Variants in CEBPZ observed in about 807,000 individuals in gnomAD.
CEBPZ encodes the protein CCAAT/enhancer-binding protein zeta.
CEBPZ carries 78 observed loss-of-function variants against 104.5 expected under a neutral mutation model. That is an observed-to-expected ratio of 0.75 (90% CI 0.62 to 0.90). CEBPZ has a LOEUF of 0.90. CEBPZ is among the 40% of genes least tolerant of loss of function. The pLI is 0.00. For synonymous variants in CEBPZ, 470 were observed against 427.0 expected (o/e 1.10, Z -1.24); for missense variants, 1,439 against 1,233.5 (o/e 1.17, Z -2.50).
intron 13 of CEBPZ, 42 bp downstream of exon 13, chr2:37,210,957 C>T (rs773352325): frequency 5.6e-6 from 8 of 1,425,652 alleles, no homozygotes; most frequent in Non-Finnish European, 7.8e-6. Flanking sequence ...ACACCTTTCA[C>T]ATGGACACTG....
chr2:37,201,669 G>T lies in CEBPZ; in HGVS notation c.*95C>A. ...TATTACAAATCCACTGAGAAGTCTG[G>T]AATGTATGGAATCAGAGAGCTAGAT... is the stretch of plus-strand genomic sequence containing the variant. On this transcript the variant is annotated 3_prime_UTR_variant, in exon 16 of 16. Transcript: ENST00000234170. The T allele has an allele frequency of 1.3e-6, 1 of 793,826 alleles. No homozygotes were observed. 49.2% of individuals were successfully genotyped at this position (793,826 alleles called of 1,614,324 possible). A position where few individuals can be genotyped will look rare whatever the true frequency, so the allele number is the denominator to read the frequency against.
rs1478890965 is a variant in CEBPZ, at chr2:37,212,380, T to C, written c.2558A>G (p.Asp853Gly). 1 of 1,613,432 alleles carries C rather than the reference T, an allele frequency of 6.2e-7. No homozygotes were observed. Among genetic ancestry groups the C allele is most frequent in the Non-Finnish European group, 8.5e-7 (1 of 1,179,654 alleles). The change falls in exon 11 of 16, where the codon GAT becomes GGT. Residue 853 changes from aspartate to glycine, a missense_variant. Asp to Gly is a moderately conservative substitution (Grantham distance 94). Coordinates refer to ENST00000234170, the MANE Select transcript of CEBPZ (RefSeq NM_005760.3). ...EFEELIDTFE[D>G]DNCFSSGKDD... ...CTTTCCAGAGCTGAAACAGTTATCA[T>C]CTTCAAATGTGTCTGCCAGACAATA... is the stretch of plus-strand genomic sequence containing the variant.
intron 1 of CEBPZ, 115 bp from the exon 2 acceptor site, chr2:37,229,151 A>C: frequency 1.0e-6 from 1 of 974,638 alleles, no homozygotes; most frequent in Non-Finnish European, 1.4e-6. Context: ...AAATCCTTTC[A>C]AATTTGACAT....
chr2:37,213,825 T>G (rs1232770987), intron 10 of CEBPZ, 39 bp downstream of exon 10: 1 of 1,344,268 alleles, frequency 7.4e-7, no homozygotes, highest in African/African-American at 1.5e-5. Context: ...TAACACATAG[T>G]AGTAGATTAT....
chr2:37,220,299 G>A (rs1278358758), intron 5 of CEBPZ, 86 bp downstream of exon 5: 5 of 348,006 alleles, frequency 1.4e-5, no homozygotes, highest in Non-Finnish European at 1.9e-5. Flanking sequence ...CCTGGTGACA[G>A]AGGAAGACTC....
intron 5 of CEBPZ, among the ~76,000 whole-genome samples, chr2:37,218,418 T>A (rs1054795767): frequency 2.0e-5 from 3 of 152,226 alleles, no homozygotes; most frequent in African/African-American, 4.8e-5. Context: ...GTATTCCACG[T>A]TGAAACATAC....
rs188301757 is a variant in CEBPZ at position 37,211,974 on chromosome 2, T to A, written c.2669A>T (p.Asp890Val). The change falls in exon 12 of 16, where the codon GAT becomes GTT. Residue 890 changes from aspartate to valine, a missense_variant. Asp to Val is a radical substitution (Grantham distance 152). Transcript: ENST00000234170. ...NTLDEDSEGS[D>V]DELGNLDDDE... is the part of the protein sequence containing the mutation. ...GTCATCCAGGTTACCAAGTTCATCA[T>A]CACTACCTTCTGAATCTTCATCTAA... The A allele has an allele frequency of 2.5e-6, 4 of 1,613,366 alleles. No individual in the cohort carries two copies. In the African/African-American group the frequency reaches 5.3e-5, roughly 22 times the overall value.
intron 13 of CEBPZ, among the ~76,000 whole-genome samples, chr2:37,207,215 A>T (rs370724325): frequency 5.3e-5 from 8 of 152,362 alleles, no homozygotes; most frequent in East Asian, 3.9e-4. Context: ...GGTGACTTCA[A>T]TACTCCACTG....
At position 37,205,431 on chromosome 2, in the gene CEBPZ, T is replaced by G. The variant is rs1222769630; in HGVS notation, c.2885-2423A>C. ...AAAAGCTCCCCTACTGAGCACCTTG[T>G]GACCCCCACTCCTGCCAGGCAGAGA... On this transcript the variant is annotated intron_variant, in intron 13 of 15. Coordinates refer to ENST00000234170, the MANE Select transcript of CEBPZ (RefSeq NM_005760.3). Among the ~76,000 whole-genome samples, 8 of 152,212 alleles carry G rather than the reference T, an allele frequency of 5.3e-5. No homozygotes were observed. In the East Asian group the frequency reaches 9.6e-4, roughly 18 times the overall value.
intron 1 of CEBPZ, chr2:37,231,156 T>C (rs1665077755): frequency 3.1e-6 from 2 of 655,470 alleles, no homozygotes; most frequent in Non-Finnish European, 5.7e-6. Flanking sequence ...GTGATGGTTA[T>C]ACCACGTCAA....
At chr2:37,218,248 C>T (rs1166945189) in intron 5 of CEBPZ, among the ~76,000 whole-genome samples, 3 of 149,896 alleles carry the variant, frequency 2.0e-5, no homozygotes, top group African/African-American at 4.9e-5. Context: ...GCCTGGGCGA[C>T]AGAGCAAGAC....
chr2:37,228,702 T>C lies in CEBPZ; in HGVS notation c.491A>G (p.Gln164Arg). 1 of 1,614,216 alleles carries C rather than the reference T, an allele frequency of 6.2e-7. No homozygotes were observed. ...STTPKVKKDK[Q>R]NIFEFFERQT... is the part of the protein sequence containing the mutation. ...TCTCTCAAAAAATTCAAAGATGTTC[T>C]GTTTATCTTTCTTTACTTTCGGTGT... Residue 164 changes from glutamine to arginine, a missense_variant, in exon 2 of 16, where the codon CAG becomes CGG. By Grantham distance (43) the Gln-to-Arg change is conservative (BLOSUM62 1). Coordinates refer to ENST00000234170, the MANE Select transcript of CEBPZ (RefSeq NM_005760.3).
intron 5 of CEBPZ, among the ~76,000 whole-genome samples, chr2:37,218,759 C>G (rs943823692): frequency 2.0e-5 from 3 of 152,154 alleles, no homozygotes; most frequent in Middle Eastern, 3.2e-3. Flanking sequence ...AAAAAATTAG[C>G]TGGGCATGGT....
At chr2:37,205,315 A>G (rs1003858772) in intron 13 of CEBPZ, among the ~76,000 whole-genome samples, 2 of 152,146 alleles carry the variant, frequency 1.3e-5, no homozygotes, top group African/African-American at 4.8e-5. Flanking sequence ...AACTGATGAC[A>G]TTCCACCACA....
intron 13 of CEBPZ, among the ~76,000 whole-genome samples, chr2:37,208,295 A>T (rs1677606041): frequency 6.6e-6 from 1 of 152,084 alleles, no homozygotes; most frequent in Non-Finnish European, 1.5e-5. Context: ...TAAATCATTC[A>T]ATGAAGCCAA....
intron 13 of CEBPZ, among the ~76,000 whole-genome samples, chr2:37,207,433 A>G (rs1677577154): frequency 6.6e-6 from 1 of 152,208 alleles, no homozygotes; most frequent in Non-Finnish European, 1.5e-5. Context: ...ACTTAAGAAA[A>G]CTGAAATTGT....
intron 2 of CEBPZ, among the ~76,000 whole-genome samples, chr2:37,224,339 C>T (rs952298795): frequency 2.0e-5 from 3 of 152,202 alleles, no homozygotes; most frequent in African/African-American, 7.2e-5. Context: ...TATTAGGACA[C>T]CCAGAATTAA....
chr2:37,212,250 A>G, intron 11 of CEBPZ, 85 bp downstream of exon 11: 1 of 1,233,206 alleles, frequency 8.1e-7, no homozygotes, highest in Non-Finnish European at 1.2e-6. Context: ...CCCCTTTATC[A>G]TATAGTTCTG....
Position 37,223,297 on chromosome 2 carries a change from G to A in CEBPZ, c.1754C>T (p.Ala585Val). The A allele has an allele frequency of 6.2e-7, 1 of 1,614,078 alleles. No homozygotes were observed. The highest frequency in any genetic ancestry group is 8.5e-7 in the Non-Finnish European group (1 of 1,180,000). The change falls in exon 3 of 16, where the codon GCT (alanine) becomes GTT (valine). Residue 585 changes from alanine to valine, a missense_variant. Coordinates refer to ENST00000234170, the MANE Select transcript of CEBPZ (RefSeq NM_005760.3). ...KADIVLRRVK[A>V]FVKRLLQVTC... The stretch of plus-strand genomic sequence containing the variant: ...AACTTGAAGTAACCTCTTCACAAAA[G>A]CCTTCACCCGGCGCAACACAATGTC...
Sources: gnomAD v4.1 joint callset for allele counts (sites outside exome capture counted in the v4.1 genomes callset) on GRCh38, gnomAD v4.1.1 for gene constraint, MANE v1.5 for transcripts, NCBI Gene and HGNC (gene_info 2026-07-23, HGNC 2026-07-21) for gene names.